CARD9: variants seen among roughly 807,000 people sequenced by gnomAD.
The protein encoded by CARD9 is caspase recruitment domain family member 9, also known as caspase recruitment domain-containing protein 9.
CARD9 carries 53 observed loss-of-function variants against 66.0 expected under a neutral mutation model. That is an observed-to-expected ratio of 0.80 (90% confidence interval 0.64 to 1.01). The LOEUF is 1.01. Ranked by LOEUF, CARD9 falls within the 50% of genes least tolerant of loss-of-function variation. The pLI is 0.00. For missense variants in CARD9, 769 were observed against 743.2 expected, an observed-to-expected ratio of 1.03 and a Z score of -0.40; for synonymous variants, 387 against 313.8, an observed-to-expected ratio of 1.23 and a Z score of -2.47.
At position 136,370,988 on chromosome 9, in the gene CARD9, A is replaced by G. The variant is rs35984637; in HGVS notation, c.480T>C (p.Arg160=). 2 of 1,611,158 alleles carry G rather than the reference A, an allele frequency of 1.2e-6. No individual in the cohort carries two copies. Among genetic ancestry groups the G allele is most frequent in the South Asian group, 1.1e-5 (1 of 90,692 alleles). Residue 160 remains arginine, a synonymous_variant, in exon 4 of 13, where the codon CGT becomes CGC. Transcript: ENST00000371732. The part of the protein sequence containing the change: ...KDSLLRKHQE[R]VQRLKEECEA... ...CGCACTCCTCCTTGAGCCTCTGCAC[A>G]CGCTCCTGGTGCTTGCGCAGCAGGC... is the stretch of plus-strand genomic sequence containing the variant.
chr9:136,367,296 C>T (rs1162319590), intron 8 of CARD9, 39 bp from the exon 9 acceptor site: 1 of 1,507,836 alleles, frequency 6.6e-7, no homozygotes, highest in East Asian at 2.3e-5. Flanking sequence ...GCTGTGAGGG[C>T]AGAGGGCTCC....
chr9:136,370,147 C>T, intron 6 of CARD9, 147 bp downstream of exon 6: 1 of 1,457,360 alleles, frequency 6.9e-7, no homozygotes, highest in South Asian at 1.4e-5. Context: ...GGAGAGGGCA[C>T]CGTCCACTGT....
At chr9:136,370,039 G>A (rs376262066) in intron 6 of CARD9, 164 bp from the exon 7 acceptor site, 277 of 1,436,254 alleles carry the variant, frequency 1.9e-4, no homozygotes, top group Non-Finnish European at 2.3e-4. Flanking sequence ...CTTCCAGACC[G>A]CGGCAGGACA....
intron 10 of CARD9, 134 bp downstream of exon 10, chr9:136,366,666 C>G (rs928995936): frequency 1.0e-6 from 1 of 960,394 alleles, no homozygotes; most frequent in South Asian, 1.3e-5. Context: ...TATCCCCAGC[C>G]CCAGTTTCCC....
intron 7 of CARD9, 44 bp downstream of exon 7, chr9:136,369,706 C>T (rs1463438684): frequency 6.4e-7 from 1 of 1,557,110 alleles, no homozygotes; most frequent in Admixed American, 1.9e-5. Flanking sequence ...CTGGTGCACC[C>T]ACCCGCGAGT....
chr9:136,372,784 G>A (rs1020611941), intron 1 of CARD9, among the ~76,000 whole-genome samples: 13 of 152,362 alleles, frequency 8.5e-5, no homozygotes, highest in Non-Finnish European at 1.2e-4. Flanking sequence ...CCACAGGAGC[G>A]TGTCTCTGTC....
intron 6 of CARD9, 61 bp downstream of exon 6, chr9:136,370,233 G>A: frequency 6.4e-7 from 1 of 1,572,548 alleles, no homozygotes; most frequent in Non-Finnish European, 8.6e-7. Context: ...AGTGGGCGGA[G>A]CTCAGCCCGT....
chr9:136,368,075 CGTGTGCTATG>C, intron 7 of CARD9: 1 of 1,355,072 alleles, frequency 7.4e-7, no homozygotes, highest in Non-Finnish European at 9.6e-7. Context: ...GTGGACACAG[CGTGTGCTATG>C]TACCCCCACA....
intron 11 of CARD9, chr9:136,364,823 A>G (rs894050112): frequency 1.2e-5 from 7 of 597,612 alleles, no homozygotes; most frequent in Non-Finnish European, 2.1e-5. Flanking sequence ...CATTGTTTCT[A>G]CAACAAAGCC....
At chr9:136,371,266 C>T in intron 3 of CARD9, 58 bp downstream of exon 3, 1 of 1,574,872 alleles carries the variant, frequency 6.3e-7, no homozygotes, top group Non-Finnish European at 8.6e-7. Context: ...GGACCCAACA[C>T]CACTGCCCGC....
In CARD9 at chr9:136,372,087, C is replaced by T. The variant is rs1171931219; in HGVS notation, c.-9G>A. ...TTCTCGTAGTCCGACATGGCCTCAGCAGGCAGGCTGGGGAGTGTGGGGCAG... is the reference window on the plus strand; with the variant it reads ...TTCTCGTAGTCCGACATGGCCTCAGTAGGCAGGCTGGGGAGTGTGGGGCAG... On this transcript the variant is annotated 5_prime_UTR_variant, in exon 2 of 13. Transcript: ENST00000371732. The T allele has an allele frequency of 1.2e-6, 2 of 1,612,390 alleles. No homozygotes were observed. Among genetic ancestry groups the T allele is most frequent in the Non-Finnish European group, 1.7e-6 (2 of 1,179,930 alleles).
intron 6 of CARD9, 24 bp from the exon 7 acceptor site, chr9:136,369,899 C>G: frequency 2.5e-6 from 4 of 1,609,728 alleles, no homozygotes; most frequent in Non-Finnish European, 3.4e-6. Context: ...CAGCTCAGCC[C>G]CCACAGGCCT....
rs370912459 is a variant in CARD9, at chr9:136,369,849, C to A, written c.978G>T (p.Glu326Asp). The stretch of plus-strand genomic sequence containing the variant: ...CCTTACGTAGTGCCAGGCACTGCAG[C>A]TCGAACATCTCCTTCTCCTCCATGC... ...LRCMEEKEMF[E>D]LQCLALRKDS... The change falls in exon 7 of 13, where the codon GAG (glutamate) becomes GAT (aspartate). Residue 326 changes from glutamate (E) to aspartate (D), a missense_variant. Coordinates refer to ENST00000371732, the MANE Select transcript of CARD9 (RefSeq NM_052813.5). 6.2e-7 allele frequency: 1 copy of A among 1,612,632 alleles called. No individual in the cohort carries two copies. Among genetic ancestry groups the A allele is most frequent in the Non-Finnish European group, 8.5e-7 (1 of 1,180,014 alleles).
At chr9:136,370,041 G>T in intron 6 of CARD9, 166 bp from the exon 7 acceptor site, 1 of 1,420,592 alleles carries the variant, frequency 7.0e-7, no homozygotes, top group Non-Finnish European at 9.4e-7. Context: ...TCCAGACCGC[G>T]GCAGGACAGG....
In CARD9 at chr9:136,366,827, G is replaced by C. The variant is rs750049509; in HGVS notation, c.1330C>G (p.Leu444Val). 6 of 1,613,104 alleles carry C rather than the reference G, an allele frequency of 3.7e-6. No homozygotes were observed. In the South Asian group the frequency reaches 5.5e-5, roughly 15 times the overall value. The change falls in exon 10 of 13, where the codon CTG becomes GTG. Residue 444 changes from leucine to valine, a missense_variant. By Grantham distance (32) the Leu-to-Val change is conservative. Transcript: ENST00000371732. Reference protein sequence around the residue: ...RSQELSLPQDLEDTQLSDKGC... With the variant: ...RSQELSLPQDVEDTQLSDKGC... ...TTGTCTGAGAGCTGGGTGTCCTCCA[G>C]GTCCTGGGGGAGTGAGAGCTTCCAA...
At position 136,365,078 on chromosome 9, in the gene CARD9, C is replaced by T. The variant is rs554018452; in HGVS notation, c.1434+63G>A. 3.4e-5 allele frequency: 52 copies of T among 1,535,684 alleles called. No homozygotes were observed. In the African/African-American group the frequency reaches 6.5e-4, roughly 19 times the overall value. On this transcript the variant is annotated intron_variant, in intron 11 of 12. Transcript: ENST00000371732. ...GGGGTGCCCAGGGCAGGGAGCCACT[C>T]TCCCTGTGATCGGTCACCCTGAGGC...
chr9:136,372,822 A>G (rs933295508), intron 1 of CARD9, among the ~76,000 whole-genome samples: 5 of 152,162 alleles, frequency 3.3e-5, no homozygotes, highest in Non-Finnish European at 7.4e-5. Context: ...CAACCCTGGG[A>G]GGGGCTGTCA....
At position 136,364,038 on chromosome 9, in the gene CARD9, T is replaced by G. The variant is rs1315559086; in HGVS notation, c.*264A>C. 1 of 1,503,370 alleles carries G rather than the reference T, an allele frequency of 6.7e-7. No individual in the cohort carries two copies. Among genetic ancestry groups the G allele is most frequent in the East Asian group, 2.5e-5 (1 of 40,806 alleles). 93.1% of individuals were successfully genotyped at this position (1,503,370 alleles called of 1,614,324 possible). ...CATGCATGTATTGTGTGTTACATGG[T>G]GAAACAGAACAGATCCTGAAGTTAC... On this transcript the variant is annotated 3_prime_UTR_variant, in exon 13 of 13. Transcript: ENST00000371732.
chr9:136,373,376 G>A (rs1042573316), intron 1 of CARD9, among the ~76,000 whole-genome samples, 156 bp downstream of exon 1: 1 of 152,328 alleles, frequency 6.6e-6, no homozygotes, highest in Admixed American at 6.5e-5. Flanking sequence ...ACACATCTCC[G>A]CCCAGGGGCC....
Sources: gnomAD v4.1 joint callset for allele counts (sites outside exome capture counted in the v4.1 genomes callset) on GRCh38, gnomAD v4.1.1 for gene constraint, MANE v1.5 for transcripts, NCBI Gene and HGNC (gene_info 2026-07-23, HGNC 2026-07-21) for gene names.